The following CPLANE1 variants were observed in gnomAD, a reference collection of about 807,000 sequenced individuals.
The protein encoded by CPLANE1 is ciliogenesis and planar polarity effector complex subunit 1, also known as ciliogenesis and planar polarity effector 1.
Under a neutral mutation model 362.5 loss-of-function variants are expected in CPLANE1, and 263 were observed. That is an observed-to-expected ratio of 0.73 (90% CI 0.66 to 0.80). The LOEUF (loss-of-function observed/expected upper bound fraction) is 0.80, where lower values mean the gene tolerates loss of function less well. Among genes scored for constraint, CPLANE1 ranks in the 30% least tolerant of loss-of-function variants. The pLI, the probability that CPLANE1 is intolerant of heterozygous loss-of-function variation, is 0.00. For synonymous variants in CPLANE1, 1,212 were observed against 1,302.6 expected (o/e 0.93, Z 1.50); for missense variants, 3,461 against 3,793.4 (o/e 0.91, Z 2.30).
intron 5 of CPLANE1, 57 bp downstream of exon 5, chr5:37,244,318 T>C (rs1202162449): frequency 4.5e-6 from 5 of 1,119,166 alleles, no homozygotes; most frequent in Non-Finnish European, 6.3e-6. Context: ...TATATAGTTA[T>C]ACCATTACAC....
intron 1 of CPLANE1, 128 bp from the exon 2 acceptor site, chr5:37,247,873 C>G: frequency 9.0e-6 from 5 of 556,016 alleles, no homozygotes; most frequent in Non-Finnish European, 1.4e-5. Context: ...TCTCAGCTCA[C>G]TGCAACCTCC....
chr5:37,079,124 CCT>C, the CPLANE1 span, among the ~76,000 whole-genome samples: 6 of 152,088 alleles, frequency 3.9e-5, no homozygotes, highest in Non-Finnish European at 8.8e-5. Context: ...AAAATCTTTG[CCT>C]GTGCCTATGT....
At position 37,209,781 on chromosome 5, in the gene CPLANE1, C is replaced by A; in HGVS notation, c.2921-3356G>T. 6.9e-6 allele frequency: 9 copies of A among 1,302,622 alleles called. No individual in the cohort carries two copies. Among genetic ancestry groups the A allele is most frequent in the Non-Finnish European group, 8.9e-6 (8 of 898,730 alleles). 80.7% of individuals were successfully genotyped at this position (1,302,622 alleles called of 1,614,324 possible). ...TGATAAAGAAAACCAAAAAGGTTTT[C>A]TTATGCATTTTTTAAAAGGATTGGC... On this transcript the variant is annotated intron_variant, in intron 16 of 52. Transcript: ENST00000651892. This position sits in a 1 kb window ranked among gnomAD's most constrained non-coding sequence, Gnocchi z 4.6.
chr5:37,219,301 G>T (rs1480739756), intron 15 of CPLANE1, among the ~76,000 whole-genome samples: 1 of 152,154 alleles, frequency 6.6e-6, no homozygotes, highest in Admixed American at 6.5e-5. Flanking sequence ...AGGCCAAGGT[G>T]TGTGGATCAC....
In CPLANE1 at chr5:37,224,137, G is replaced by A. The variant is rs182841896; in HGVS notation, c.2581+116C>T. The A allele has an allele frequency of 7.8e-6, 5 of 641,064 alleles. No homozygotes were observed. In the East Asian group the frequency reaches 1.4e-4, roughly 18 times the overall value. 39.7% of individuals were successfully genotyped at this position (641,064 alleles called of 1,614,324 possible). A position where few individuals can be genotyped will look rare whatever the true frequency, so the allele number is the denominator to read the frequency against. On this transcript the variant is annotated intron_variant, in intron 14 of 52. Transcript: ENST00000651892. ...TAAGGTCTATGGCAAGCTAAAAGATGTCCTGCTAATATAATGGCACATATT... is the reference window on the plus strand; with the variant it reads ...TAAGGTCTATGGCAAGCTAAAAGATATCCTGCTAATATAATGGCACATATT...
At chr5:37,100,448 A>G in the CPLANE1 span, among the ~76,000 whole-genome samples, 116 of 152,122 alleles carry the variant, frequency 7.6e-4, no homozygotes, top group African/African-American at 2.7e-3. Flanking sequence ...TGAGTTCTCT[A>G]TTCTGTTCCA....
the CPLANE1 span, among the ~76,000 whole-genome samples, chr5:37,077,314 T>C: frequency 6.6e-6 from 1 of 152,126 alleles, no homozygotes; most frequent in African/African-American, 2.4e-5. Flanking sequence ...CCCCTTTTTG[T>C]GCTTATCAGC....
rs1561670874 is a variant in CPLANE1 at position 37,227,810 on chromosome 5, G to C, written c.1129C>G (p.Gln377Glu). The change falls in exon 10 of 53, where the codon CAG becomes GAG. Residue 377 changes from glutamine (Q) to glutamate (E), a missense_variant. By Grantham distance (29) the Gln-to-Glu change is conservative. This residue lies in a region of CPLANE1 where 3,380 missense variants were observed against 3,666.1 expected (regional missense o/e 0.92). Transcript: ENST00000651892. ...TTATTTGAATCTTGAAACGTAAACT[G>C]CTGTGGTCTAGTAAACAAACATCAA... ...LHPLITYRPQ[Q>E]FTFQDSNNSV... 1 of 1,549,784 alleles carries C rather than the reference G, an allele frequency of 6.5e-7. No homozygotes were observed. The highest frequency in any genetic ancestry group is 2.4e-5 in the East Asian group (1 of 40,848).
At chr5:37,081,752 C>T in the CPLANE1 span, among the ~76,000 whole-genome samples, 2 of 152,188 alleles carry the variant, frequency 1.3e-5, no homozygotes, top group Non-Finnish European at 2.9e-5. Context: ...GCTTAGGGAA[C>T]TTCCACAAGA....
At chr5:37,140,025 C>T (rs998329932) in intron 44 of CPLANE1, 6 of 945,306 alleles carry the variant, frequency 6.3e-6, no homozygotes. Flanking sequence ...TAGAAAATAT[C>T]TTATTTAAAT....
Position 37,169,296 on chromosome 5 carries a change from G to T in CPLANE1, c.6728C>A (p.Thr2243Lys), listed in dbSNP as rs1169587356. The T allele has an allele frequency of 6.2e-7, 1 of 1,614,166 alleles. No homozygotes were observed. Among genetic ancestry groups the T allele is most frequent in the African/African-American group, 1.3e-5 (1 of 75,052 alleles). The stretch of plus-strand genomic sequence containing the variant: ...GAAGGGAACTTGTGGAATACTTCCT[G>T]TATGTAAGAAAAGGGGCTGGAATTC... ...KQEFQPLFLH[T>K]GSIPQVPFRP... is the part of the protein sequence containing the mutation. Residue 2243 changes from threonine (T) to lysine (K), a missense_variant, in exon 34 of 53, where the codon ACA becomes AAA. This residue lies in a region of CPLANE1 where 3,380 missense variants were observed against 3,666.1 expected (regional missense o/e 0.92). Transcript: ENST00000651892.
chr5:37,183,345 C>T lies in CPLANE1; in HGVS notation c.4836G>A (p.Val1612=), dbSNP rs1315038343. ...RHQSKTKSQN[V]FRAGSCFVVA... ...CAACAAAGCAAGAACCAGCTCTAAACACATTCTGGCTTTTAGTTTTGCTCT... is the reference window on the plus strand; with the variant it reads ...CAACAAAGCAAGAACCAGCTCTAAATACATTCTGGCTTTTAGTTTTGCTCT... Residue 1612 remains valine (V), a synonymous_variant, in exon 26 of 53, where the codon GTG becomes GTA. Transcript: ENST00000651892. 1.2e-6 allele frequency: 2 copies of T among 1,612,332 alleles called. No individual in the cohort carries two copies. Among genetic ancestry groups the T allele is most frequent in the African/African-American group, 1.3e-5 (1 of 74,776 alleles).
chr5:37,200,053 T>C (rs1034848190), intron 19 of CPLANE1, among the ~76,000 whole-genome samples: 4 of 152,234 alleles, frequency 2.6e-5, no homozygotes, highest in African/African-American at 7.2e-5. Context: ...GGGGAGCTAG[T>C]CTTCAGGTGA....
chr5:37,234,886 T>C (rs1011305963), intron 8 of CPLANE1, among the ~76,000 whole-genome samples: 1 of 152,340 alleles, frequency 6.6e-6, no homozygotes, highest in South Asian at 2.1e-4. Context: ...ATAGTCTTAA[T>C]AGACGTTGTT....
chr5:37,085,170 A>G, the CPLANE1 span: 28 of 799,146 alleles, frequency 3.5e-5, no homozygotes, highest in Non-Finnish European at 5.6e-5. Flanking sequence ...TCACAAGTTG[A>G]GAGAGTGTCT....
At chr5:37,161,769 C>T (rs1208735690) in intron 38 of CPLANE1, among the ~76,000 whole-genome samples, 1 of 152,040 alleles carries the variant, frequency 6.6e-6, no homozygotes, top group Non-Finnish European at 1.5e-5. Context: ...AATATCAAAC[C>T]GTTATTGCTA....
chr5:37,127,859 T>C (rs1479169089), intron 46 of CPLANE1, among the ~76,000 whole-genome samples: 2 of 152,022 alleles, frequency 1.3e-5, no homozygotes, highest in Non-Finnish European at 1.5e-5. Flanking sequence ...ATTTGTGTTT[T>C]TGAAATCTCA....
At chr5:37,153,301 A>G (rs1011956521) in intron 42 of CPLANE1, among the ~76,000 whole-genome samples, 1 of 152,220 alleles carries the variant, frequency 6.6e-6, no homozygotes, top group Non-Finnish European at 1.5e-5. Context: ...AGGAAGAAAT[A>G]GTACCAATCC....
At chr5:37,164,355 A>C (rs1334294039) in intron 36 of CPLANE1, 28 bp from the exon 37 acceptor site, 2 of 1,561,216 alleles carry the variant, frequency 1.3e-6, no homozygotes, top group East Asian at 4.5e-5. Flanking sequence ...GGATTACTCT[A>C]TGATTAACTC....
Sources: gnomAD v4.1 joint callset for allele counts (sites outside exome capture counted in the v4.1 genomes callset) on GRCh38, gnomAD v4.1.1 for gene constraint, gnomAD v4.1.1 regional missense constraint, Gnocchi (gnomAD v3.1) non-coding constraint, MANE v1.5 for transcripts, NCBI Gene and HGNC (gene_info 2026-07-23, HGNC 2026-07-21) for gene names.